Variants in DGKB observed in about 807,000 individuals in gnomAD.
The protein encoded by DGKB is diacylglycerol kinase beta.
DGKB carries 67 observed loss-of-function variants against 114.3 expected under a neutral mutation model. The ratio of observed to expected loss-of-function variants is 0.59; its 90% CI spans 0.48 to 0.72. The LOEUF is 0.72. Ranked by LOEUF, DGKB falls within the 30% of genes least tolerant of loss-of-function variation. The probability of loss-of-function intolerance (pLI) is 0.00; values close to 1 mark genes in which losing one functional copy is unlikely to be tolerated. For missense variants in DGKB, 907 were observed against 975.2 expected, an observed-to-expected ratio of 0.93 and a Z score of 0.93; for synonymous variants, 398 against 323.1, an observed-to-expected ratio of 1.23 and a Z score of -2.49.
intron 19 of DGKB, among the ~76,000 whole-genome samples, chr7:14,579,961 C>T (rs142914241): frequency 6.6e-6 from 1 of 152,268 alleles, no homozygotes; most frequent in African/African-American, 2.4e-5. Context: ...AAATATTTAG[C>T]ATTCAAGTCC....
intron 1 of DGKB, among the ~76,000 whole-genome samples, chr7:14,885,343 A>G (rs1027871753): frequency 6.6e-6 from 1 of 151,998 alleles, no homozygotes; most frequent in Non-Finnish European, 1.5e-5. Context: ...GAGGCAAACA[A>G]GATTAACATC....
rs2128576195 is a variant in DGKB at position 14,338,820 on chromosome 7, T to A, written c.1927-110A>T. The A allele has an allele frequency of 4.6e-6, 3 of 656,124 alleles. No individual in the cohort carries two copies. In the South Asian group the frequency reaches 1.3e-4, roughly 29 times the overall value. 40.6% of individuals were successfully genotyped at this position (656,124 alleles called of 1,614,324 possible). On this transcript the variant is annotated intron_variant, in intron 22 of 25. Transcript: ENST00000402815. The stretch of plus-strand genomic sequence containing the variant: ...ATAAGTGCGTTGAAATCCATAATGT[T>A]GTCATTTCCAAACAAGCCTTTCAAG...
chr7:14,578,086 G>T (rs1799427738), intron 19 of DGKB, among the ~76,000 whole-genome samples: 1 of 152,070 alleles, frequency 6.6e-6, no homozygotes, highest in Admixed American at 6.5e-5. Context: ...CAGTTCTGGT[G>T]GTGGTGAGTG....
intron 15 of DGKB, among the ~76,000 whole-genome samples, chr7:14,615,727 G>C (rs556621187): frequency 6.6e-6 from 1 of 151,776 alleles, no homozygotes; most frequent in East Asian, 1.9e-4. Flanking sequence ...TCTCATTATT[G>C]AGTATGAGTT....
rs556307277 is a variant in DGKB, at chr7:14,371,566, C to T, written c.1836-26175G>A. Reference sequence around the variant, plus strand: ...TTCCTTATGTGTTCAAAATATTAGACCTTTGTCAGATGCATAGTTTGTAAA... The same window carrying T: ...TTCCTTATGTGTTCAAAATATTAGATCTTTGTCAGATGCATAGTTTGTAAA... On this transcript the variant is annotated intron_variant, in intron 21 of 25. Coordinates refer to ENST00000402815, the MANE Select transcript of DGKB (RefSeq NM_001350709.2). Among the ~76,000 whole-genome samples the T allele has an allele frequency of 3.3e-5, 5 of 152,094 alleles. No individual in the cohort carries two copies. The East Asian group carries it at 9.7e-4, about 29-fold the overall frequency.
chr7:14,753,079 G>C (rs557502131), intron 4 of DGKB, among the ~76,000 whole-genome samples: 1 of 152,120 alleles, frequency 6.6e-6, no homozygotes, highest in Non-Finnish European at 1.5e-5. Flanking sequence ...CTGTATCTAA[G>C]TCCACCAGTA....
chr7:14,387,173 C>T (rs1820503474), intron 21 of DGKB, among the ~76,000 whole-genome samples: 1 of 151,660 alleles, frequency 6.6e-6, no homozygotes, highest in African/African-American at 2.4e-5. Context: ...CCTGTAATCC[C>T]AGCACTTTGG....
At chr7:14,763,545 A>G (rs1446265498) in intron 2 of DGKB, among the ~76,000 whole-genome samples, 4 of 152,260 alleles carry the variant, frequency 2.6e-5, no homozygotes, top group South Asian at 2.1e-4. Flanking sequence ...AAGCTATTGT[A>G]TATGACCCAA....
At chr7:14,286,195 A>G (rs1800842365) in intron 23 of DGKB, among the ~76,000 whole-genome samples, 1 of 152,146 alleles carries the variant, frequency 6.6e-6, no homozygotes, top group Non-Finnish European at 1.5e-5. Flanking sequence ...TCTATCTTAT[A>G]GATTTCACAC....
chr7:14,665,754 A>T (rs1817915270), intron 13 of DGKB, among the ~76,000 whole-genome samples: 1 of 152,064 alleles, frequency 6.6e-6, no homozygotes, highest in Non-Finnish European at 1.5e-5. Flanking sequence ...AAATAATTAC[A>T]TAAATATGTG....
At chr7:14,619,908 A>G (rs891176474) in intron 15 of DGKB, among the ~76,000 whole-genome samples, 7 of 151,720 alleles carry the variant, frequency 4.6e-5, no homozygotes, top group African/African-American at 1.7e-4. Context: ...TGTGATGAGA[A>G]GTATGTGCCT....
intron 20 of DGKB, among the ~76,000 whole-genome samples, chr7:14,572,058 A>G (rs1392831039): frequency 6.6e-6 from 1 of 152,190 alleles, no homozygotes; most frequent in Non-Finnish European, 1.5e-5. Context: ...CAAGCAAACA[A>G]ACAAGGTCTC....
At chr7:14,366,974 T>C (rs1369193570) in intron 21 of DGKB, among the ~76,000 whole-genome samples, 1 of 152,108 alleles carries the variant, frequency 6.6e-6, no homozygotes, top group African/African-American at 2.4e-5. Flanking sequence ...AACTTGTGAT[T>C]TTCATAGTCT....
At chr7:14,407,221 T>C (rs1824084852) in intron 21 of DGKB, among the ~76,000 whole-genome samples, 2 of 152,126 alleles carry the variant, frequency 1.3e-5, no homozygotes, top group Admixed American at 1.3e-4. Context: ...GTTAGGGAGT[T>C]AGAAAGTTGC....
chr7:14,613,552 T>C (rs922676141), intron 15 of DGKB, 139 bp from the exon 16 acceptor site: 7 of 570,168 alleles, frequency 1.2e-5, no homozygotes, highest in African/African-American at 3.8e-5. Context: ...TGTGCATGTG[T>C]GTGTGAGTGT....
intron 21 of DGKB, among the ~76,000 whole-genome samples, chr7:14,363,973 T>C (rs1816202670): frequency 6.6e-6 from 1 of 151,996 alleles, no homozygotes; most frequent in Admixed American, 6.6e-5. Flanking sequence ...AGAAATATGA[T>C]AGGTCAATTA....
At chr7:14,457,556 C>G (rs1266088787) in intron 21 of DGKB, among the ~76,000 whole-genome samples, 1 of 152,202 alleles carries the variant, frequency 6.6e-6, no homozygotes, top group African/African-American at 2.4e-5. Context: ...TCAGTTCCAA[C>G]TAGCAAATTA....
chr7:14,386,990 CTA>C (rs1452541266), intron 21 of DGKB, among the ~76,000 whole-genome samples: 4 of 151,504 alleles, frequency 2.6e-5, no homozygotes, highest in Admixed American at 6.6e-5. Context: ...ATGGTACTTG[CTA>C]TTTTTATTAA....
intron 20 of DGKB, among the ~76,000 whole-genome samples, chr7:14,534,566 A>G (rs1792119316): frequency 2.0e-5 from 3 of 152,092 alleles, no homozygotes; most frequent in African/African-American, 4.8e-5. Context: ...ACAGGACCCA[A>G]CTAGATTCTC....
Sources: gnomAD v4.1 joint callset for allele counts (sites outside exome capture counted in the v4.1 genomes callset) on GRCh38, gnomAD v4.1.1 for gene constraint, MANE v1.5 for transcripts, NCBI Gene and HGNC (gene_info 2026-07-23, HGNC 2026-07-21) for gene names.